The following LARGE1 variants were observed in gnomAD, a reference collection of about 807,000 sequenced individuals.
The protein encoded by LARGE1 is LARGE xylosyl- and glucuronyltransferase 1, also known as xylosyl- and glucuronyltransferase LARGE1.
In LARGE1, 43 loss-of-function variants were observed where a neutral mutation model predicts 87.6. The observed-to-expected ratio is 0.49, with a 90% CI of 0.38 to 0.63. The LOEUF (loss-of-function observed/expected upper bound fraction) is 0.63, where lower values mean the gene tolerates loss of function less well. Among genes scored for constraint, LARGE1 ranks in the 30% least tolerant of loss-of-function variants. The probability of loss-of-function intolerance (pLI) is 0.00; values close to 1 mark genes in which losing one functional copy is unlikely to be tolerated. For synonymous variants in LARGE1, 434 were observed against 394.6 expected, an observed-to-expected ratio of 1.10 and a Z score of -1.18; for missense variants, 802 against 1,000.2, an observed-to-expected ratio of 0.80 and a Z score of 2.67.
At chr22:33,596,035 CAGA>C (rs1014885590) in intron 5 of LARGE1, among the ~76,000 whole-genome samples, 2 of 152,122 alleles carry the variant, frequency 1.3e-5, no homozygotes, top group South Asian at 2.1e-4. Flanking sequence ...TATTCAAAAG[CAGA>C]AGATTAATGA....
chr22:33,296,003 A>C (rs1001928654), intron 12 of LARGE1, among the ~76,000 whole-genome samples: 10 of 152,254 alleles, frequency 6.6e-5, no homozygotes, highest in African/African-American at 2.4e-4. Context: ...TGATTGCCAT[A>C]GTTTACTGAG....
At chr22:33,314,406 T>G (rs1042704338) in intron 11 of LARGE1, among the ~76,000 whole-genome samples, 2 of 152,182 alleles carry the variant, frequency 1.3e-5, no homozygotes, top group Admixed American at 1.3e-4. Context: ...TCAACATGAA[T>G]CATTCCACGT....
chr22:33,540,091 C>T (rs1321989609), intron 6 of LARGE1, among the ~76,000 whole-genome samples: 2 of 152,146 alleles, frequency 1.3e-5, no homozygotes, highest in African/African-American at 4.8e-5. Flanking sequence ...GCTTGGTGTA[C>T]ATTAACAGCT....
the LARGE1 span, among the ~76,000 whole-genome samples, chr22:33,118,207 G>A: frequency 6.6e-6 from 1 of 152,306 alleles, no homozygotes; most frequent in Admixed American, 6.5e-5. Context: ...TTATGGCTGG[G>A]CACAGTGGCT....
intron 11 of LARGE1, among the ~76,000 whole-genome samples, chr22:33,307,360 G>A (rs1251460172): frequency 6.6e-6 from 1 of 152,136 alleles, no homozygotes; most frequent in Non-Finnish European, 1.5e-5. Flanking sequence ...CCCAAAGCCC[G>A]GATCCAGGTC....
At chr22:33,498,616 C>T (rs914959085) in intron 6 of LARGE1, among the ~76,000 whole-genome samples, 1 of 152,208 alleles carries the variant, frequency 6.6e-6, no homozygotes, top group Non-Finnish European at 1.5e-5. Context: ...CATTCCCATG[C>T]ACTTCCAAAT....
intron 2 of LARGE1, among the ~76,000 whole-genome samples, chr22:33,662,086 A>G (rs1243854528): frequency 1.3e-5 from 2 of 151,084 alleles, no homozygotes; most frequent in Non-Finnish European, 2.9e-5. Flanking sequence ...CAAAAAAAAA[A>G]AAAAAAAAAA....
the LARGE1 span, among the ~76,000 whole-genome samples, chr22:33,070,310 T>C: frequency 6.6e-6 from 1 of 152,334 alleles, no homozygotes; most frequent in East Asian, 1.9e-4. Flanking sequence ...TTGTTTAATA[T>C]ACATACTGTG....
the LARGE1 span, among the ~76,000 whole-genome samples, chr22:33,075,951 G>A: frequency 6.6e-6 from 1 of 152,144 alleles, no homozygotes; most frequent in Non-Finnish European, 1.5e-5. Context: ...TACTGCGAGT[G>A]AGTCACCTTC....
At chr22:33,085,846 T>C in the LARGE1 span, among the ~76,000 whole-genome samples, 1 of 152,196 alleles carries the variant, frequency 6.6e-6, no homozygotes, top group Non-Finnish European at 1.5e-5. Context: ...TAAATCACAA[T>C]GTCATTTTTT....
intron 1 of LARGE1, among the ~76,000 whole-genome samples, chr22:33,906,854 AG>A (rs913128828): frequency 1.1e-4 from 16 of 152,040 alleles, no homozygotes; most frequent in African/African-American, 3.9e-4. Context: ...AATTACTCTA[AG>A]GTGGGGAAGG....
chr22:33,588,725 G>A (rs2078751455), intron 5 of LARGE1, among the ~76,000 whole-genome samples: 1 of 152,192 alleles, frequency 6.6e-6, no homozygotes, highest in South Asian at 2.1e-4. Flanking sequence ...CCATGGCCTG[G>A]CTTAAGAGGG....
chr22:33,695,248 C>A (rs1014986958), intron 2 of LARGE1, among the ~76,000 whole-genome samples: 3 of 151,288 alleles, frequency 2.0e-5, no homozygotes, highest in Non-Finnish European at 4.4e-5. Flanking sequence ...GGATTACAGG[C>A]GCACGCCACC....
the LARGE1 span, among the ~76,000 whole-genome samples, chr22:33,068,644 C>A: frequency 6.6e-6 from 1 of 151,942 alleles, no homozygotes; most frequent in African/African-American, 2.4e-5. Context: ...GACTGTGTCT[C>A]AAAAAAATAA....
intron 11 of LARGE1, among the ~76,000 whole-genome samples, chr22:33,248,270 C>T (rs1255527507): frequency 6.6e-6 from 1 of 152,172 alleles, no homozygotes; most frequent in African/African-American, 2.4e-5. Context: ...TCACTGCAAC[C>T]TCTGCCTCCC....
intron 10 of LARGE1, among the ~76,000 whole-genome samples, chr22:33,321,218 C>T (rs183334139): frequency 1.8e-4 from 28 of 152,358 alleles, no homozygotes; most frequent in African/African-American, 6.5e-4. Context: ...GTGATTATCA[C>T]AGGAAAGGGA....
intron 6 of LARGE1, among the ~76,000 whole-genome samples, chr22:33,498,827 C>T (rs1009667448): frequency 4.0e-5 from 6 of 151,878 alleles, no homozygotes; most frequent in Non-Finnish European, 4.4e-5. Flanking sequence ...AAAAATTAGC[C>T]GGGAGTGGTG....
chr22:33,679,468 G>T (rs188855067), intron 2 of LARGE1, among the ~76,000 whole-genome samples: 40 of 147,592 alleles, frequency 2.7e-4, no homozygotes, highest in African/African-American at 8.9e-4. Flanking sequence ...ACACACACAC[G>T]CACACACACA....
chr22:33,184,890 C>T (rs373765623), intron 11 of LARGE1, among the ~76,000 whole-genome samples: 12 of 152,120 alleles, frequency 7.9e-5, no homozygotes, highest in South Asian at 2.1e-4. Flanking sequence ...AGGCCAAAAT[C>T]GAAAACATTA....
Sources: gnomAD v4.1 joint callset for allele counts (sites outside exome capture counted in the v4.1 genomes callset) on GRCh38, gnomAD v4.1.1 for gene constraint, MANE v1.5 for transcripts, NCBI Gene and HGNC (gene_info 2026-07-23, HGNC 2026-07-21) for gene names.